ARFIP1: variants seen among roughly 807,000 people sequenced by gnomAD.
ARFIP1 encodes the protein arfaptin-1.
ARFIP1 carries 24 observed loss-of-function variants against 42.5 expected under a neutral mutation model. The ratio of observed to expected loss-of-function variants is 0.57; its 90% CI spans 0.41 to 0.80. The LOEUF (loss-of-function observed/expected upper bound fraction) is 0.80. ARFIP1 is among the 30% of genes least tolerant of loss of function. The pLI is 0.00. For missense variants in ARFIP1, 354 were observed against 434.0 expected (o/e 0.82, Z 1.64); for synonymous variants, 141 against 153.7 (o/e 0.92, Z 0.61).
At chr4:152,803,194 C>T (rs1175378433) in intron 1 of ARFIP1, among the ~76,000 whole-genome samples, 2 of 152,212 alleles carry the variant, frequency 1.3e-5, no homozygotes, top group South Asian at 2.1e-4. Context: ...CACGTTATCA[C>T]GATTGTAGTA....
chr4:152,883,031 C>T (rs1010145540), intron 7 of ARFIP1, 151 bp downstream of exon 7: 8 of 773,048 alleles, frequency 1.0e-5, no homozygotes, highest in Admixed American at 3.4e-5. Flanking sequence ...ACAGACCTGG[C>T]AGAAAGGGAG....
chr4:152,906,586 C>A (rs1413590111), intron 8 of ARFIP1, among the ~76,000 whole-genome samples: 1 of 152,204 alleles, frequency 6.6e-6, no homozygotes, highest in Non-Finnish European at 1.5e-5. Flanking sequence ...ATTACCTCAC[C>A]CAGGTTATTG....
intron 1 of ARFIP1, among the ~76,000 whole-genome samples, chr4:152,829,263 A>G (rs147664613): frequency 2.0e-5 from 3 of 151,956 alleles, no homozygotes; most frequent in Non-Finnish European, 4.4e-5. Flanking sequence ...TCTTCGCAGT[A>G]CTCCAGTTGG....
intron 1 of ARFIP1, among the ~76,000 whole-genome samples, chr4:152,799,595 T>C (rs1731678712): frequency 6.6e-6 from 1 of 152,236 alleles, no homozygotes; most frequent in African/African-American, 2.4e-5. Context: ...TTCCTTGTGA[T>C]TTAAAATAGC....
chr4:152,793,884 A>G (rs1731276949), intron 1 of ARFIP1, among the ~76,000 whole-genome samples: 1 of 151,808 alleles, frequency 6.6e-6, no homozygotes, highest in South Asian at 2.1e-4. Context: ...TGAACCTTCC[A>G]TTTTTCCATG....
In ARFIP1 at chr4:152,883,013, A is replaced by C. The variant is rs1399727930; in HGVS notation, c.791+133A>C. 3 of 910,624 alleles carry C rather than the reference A, an allele frequency of 3.3e-6. No homozygotes were observed. In the African/African-American group the frequency reaches 5.2e-5, roughly 16 times the overall value. The allele number at this position is 910,624 out of a possible 1,614,324, so 56.4% of individuals were successfully genotyped here. A position where few individuals can be genotyped will look rare whatever the true frequency, so the allele number is the denominator to read the frequency against. Reference sequence around the variant, plus strand: ...AAAAAATGTACTGGAAAGTTATAGGATGCCTCTACAGACCTGGCAGAAAGG... The same window carrying C: ...AAAAAATGTACTGGAAAGTTATAGGCTGCCTCTACAGACCTGGCAGAAAGG... On this transcript the variant is annotated intron_variant, in intron 7 of 8. Coordinates refer to ENST00000353617, the MANE Select transcript of ARFIP1 (RefSeq NM_001025595.3).
At chr4:152,790,435 A>G (rs558898676) in intron 1 of ARFIP1, among the ~76,000 whole-genome samples, 185 of 152,234 alleles carry the variant, frequency 1.2e-3, no homozygotes, top group Non-Finnish European at 2.2e-3. Context: ...ATACTGAATA[A>G]TTTAGAGTTA....
intron 2 of ARFIP1, among the ~76,000 whole-genome samples, chr4:152,861,940 C>T (rs571356494): frequency 4.1e-4 from 63 of 152,216 alleles, no homozygotes; most frequent in African/African-American, 1.2e-3. Flanking sequence ...ACTTGAGATA[C>T]GGTGGTATCT....
At chr4:152,880,383 A>G (rs546363301) in intron 5 of ARFIP1, among the ~76,000 whole-genome samples, 10 of 151,806 alleles carry the variant, frequency 6.6e-5, no homozygotes, top group Non-Finnish European at 1.5e-4. Context: ...TTTCTGTATT[A>G]TTATTTCTGG....
At chr4:152,787,051 C>G (rs2149813453) in intron 1 of ARFIP1, among the ~76,000 whole-genome samples, 1 of 152,224 alleles carries the variant, frequency 6.6e-6, no homozygotes, top group East Asian at 1.9e-4. Flanking sequence ...GATTTTCTTT[C>G]TGTTCAGTGG....
intron 5 of ARFIP1, 111 bp downstream of exon 5, chr4:152,872,675 A>T: frequency 3.6e-6 from 2 of 557,358 alleles, no homozygotes; most frequent in Non-Finnish European, 6.1e-6. Context: ...AGAAAATGCC[A>T]TCTAAACATG....
In ARFIP1 at chr4:152,851,023, A is replaced by G. The variant is rs191816900; in HGVS notation, c.94-12583A>G. On this transcript the variant is annotated intron_variant, in intron 2 of 8. Coordinates refer to ENST00000353617, the MANE Select transcript of ARFIP1 (RefSeq NM_001025595.3). ...TAACAGAATTCATCAAACATTTAACATAAGTGTTTTAGTTTGTTTCTTTAA... is the reference window on the plus strand; with the variant it reads ...TAACAGAATTCATCAAACATTTAACGTAAGTGTTTTAGTTTGTTTCTTTAA... Among the ~76,000 whole-genome samples the G allele has an allele frequency of 3.4e-4, 52 of 152,360 alleles. No homozygotes were observed. The East Asian group carries it at 8.3e-3, about 24-fold the overall frequency.
At chr4:152,821,094 C>T (rs1452276980) in intron 1 of ARFIP1, among the ~76,000 whole-genome samples, 1 of 152,134 alleles carries the variant, frequency 6.6e-6, no homozygotes, top group Non-Finnish European at 1.5e-5. Context: ...GAGGGAGAGT[C>T]ACCCCCAAGA....
At chr4:152,781,661 A>G (rs1578784799) in intron 1 of ARFIP1, among the ~76,000 whole-genome samples, 1 of 152,204 alleles carries the variant, frequency 6.6e-6, no homozygotes. Context: ...CTTGCTTAGC[A>G]TGACCCACGT....
rs1457806243 is a variant in ARFIP1 at position 152,829,670 on chromosome 4, A to G, written c.37A>G (p.Ile13Val). The G allele has an allele frequency of 6.2e-7, 1 of 1,612,494 alleles. No homozygotes were observed. Among genetic ancestry groups the G allele is most frequent in the Admixed American group, 1.7e-5 (1 of 59,952 alleles). ...QESPKNSAAE[I>V]PVTSNGEVDD... The stretch of plus-strand genomic sequence containing the variant: ...ATCTCCCAAAAATTCAGCAGCAGAA[A>G]TTCCAGTGACTAGTAATGGAGAAGT... Residue 13 changes from isoleucine to valine, a missense_variant, in exon 2 of 9, where the codon ATT (isoleucine) becomes GTT (valine). Coordinates refer to ENST00000353617, the MANE Select transcript of ARFIP1 (RefSeq NM_001025595.3).
intron 2 of ARFIP1, among the ~76,000 whole-genome samples, chr4:152,845,661 C>T (rs886717263): frequency 2.6e-5 from 4 of 152,132 alleles, no homozygotes; most frequent in Non-Finnish European, 5.9e-5. Flanking sequence ...CCATCTCACA[C>T]CAGTCAGAAT....
intron 2 of ARFIP1, among the ~76,000 whole-genome samples, chr4:152,847,121 G>GTTGTTTTTTTTTTTT (rs1561139273): frequency 2.1e-5 from 1 of 48,180 alleles, no homozygotes; most frequent in African/African-American, 8.0e-5. Context: ...TTTTAGGTTT[G>GTTGTTTTTTTTTTTT]TTCTTTTTTT....
chr4:152,855,553 G>A lies in ARFIP1; in HGVS notation c.94-8053G>A, dbSNP rs556979236. 2.6e-5 allele frequency among the ~76,000 whole-genome samples: 4 copies of A among 152,314 alleles called. No homozygotes were observed. The East Asian group carries it at 7.7e-4, about 29-fold the overall frequency. The stretch of plus-strand genomic sequence containing the variant: ...TGGATACAGTAGTCTGCTATCACTT[G>A]CACCTAAGTCCTAGGGCCTGCAGCC... On this transcript the variant is annotated intron_variant, in intron 2 of 8. Coordinates refer to ENST00000353617, the MANE Select transcript of ARFIP1 (RefSeq NM_001025595.3).
chr4:152,802,246 A>G (rs1251817932), intron 1 of ARFIP1, among the ~76,000 whole-genome samples: 2 of 152,202 alleles, frequency 1.3e-5, no homozygotes, highest in East Asian at 3.8e-4. Flanking sequence ...GAGATGCATA[A>G]TTAGTCCACT....
Sources: allele counts gnomAD v4.1 joint callset (sites outside exome capture counted in the v4.1 genomes callset), GRCh38; gene constraint gnomAD v4.1.1; transcripts MANE v1.5; gene names NCBI Gene and HGNC (gene_info 2026-07-23, HGNC 2026-07-21).